Variants in LARGE1 observed in about 807,000 individuals in gnomAD.
The protein encoded by LARGE1 is xylosyl- and glucuronyltransferase LARGE1.
Under a neutral mutation model 87.6 loss-of-function variants are expected in LARGE1, and 43 were observed. The observed-to-expected ratio is 0.49, with a 90% CI of 0.38 to 0.63. The LOEUF (loss-of-function observed/expected upper bound fraction) is 0.63. Among genes scored for constraint, LARGE1 ranks in the 30% least tolerant of loss-of-function variants. LARGE1 has a pLI of 0.00. For missense variants in LARGE1, 802 were observed against 1,000.2 expected, an observed-to-expected ratio of 0.80 and a Z score of 2.67; for synonymous variants, 434 against 394.6, an observed-to-expected ratio of 1.10 and a Z score of -1.18.
At chr22:33,102,723 T>G in the LARGE1 span, among the ~76,000 whole-genome samples, 6 of 151,154 alleles carry the variant, frequency 4.0e-5, no homozygotes, top group African/African-American at 1.5e-4. Context: ...ACTCCTGACC[T>G]CAGGTGACCC....
chr22:33,165,686 C>T (rs530305532), exon 12 of LARGE1: 2 of 152,312 alleles, frequency 1.3e-5, no homozygotes, highest in South Asian at 2.1e-4. Context: ...ATCACTCTAA[C>T]ATCCCTTTTA....
chr22:33,837,332 C>T (rs1217278305), intron 1 of LARGE1, among the ~76,000 whole-genome samples: 3 of 151,628 alleles, frequency 2.0e-5, no homozygotes, highest in Non-Finnish European at 4.4e-5. Flanking sequence ...GATATATACA[C>T]ACACACATAT....
chr22:33,375,980 A>C (rs2064979564), intron 9 of LARGE1, among the ~76,000 whole-genome samples: 1 of 152,250 alleles, frequency 6.6e-6, no homozygotes, highest in Non-Finnish European at 1.5e-5. Context: ...TATTTGATAA[A>C]AACTAAATTT....
rs529148977 is a variant in LARGE1 at position 33,353,657 on chromosome 22, C to T, written c.1132-15856G>A. Among the ~76,000 whole-genome samples, 9 of 152,262 alleles carry T rather than the reference C, an allele frequency of 5.9e-5. No individual in the cohort carries two copies. The South Asian group carries it at 1.9e-3, about 32-fold the overall frequency. Reference sequence around the variant, plus strand: ...AGAGAATGAAAGACAGAAAGAATGACTTTTTTTGTGAGCACTAAAGGAAAG... The same window carrying T: ...AGAGAATGAAAGACAGAAAGAATGATTTTTTTTGTGAGCACTAAAGGAAAG... On this transcript the variant is annotated intron_variant, in intron 9 of 14. Transcript: ENST00000397394.
At chr22:33,770,856 C>T (rs1330904481) in intron 1 of LARGE1, among the ~76,000 whole-genome samples, 2 of 152,150 alleles carry the variant, frequency 1.3e-5, no homozygotes, top group Admixed American at 1.3e-4. Context: ...TTACTCCTCC[C>T]ATTCTTGATA....
chr22:33,432,215 T>C lies in LARGE1; in HGVS notation c.838A>G (p.Asn280Asp). 6.2e-7 allele frequency: 1 copy of C among 1,614,168 alleles called. No homozygotes were observed. The highest frequency in any genetic ancestry group is 8.5e-7 in the Non-Finnish European group (1 of 1,180,030). ...CATGGGCGGTGATTTTTCCACAGGT[T>C]TCCAAGGTACCAGTCACTCTGGTTC... is the stretch of plus-strand genomic sequence containing the variant. ...VENQSDWYLG[N>D]LWKNHRPWPA... Residue 280 changes from asparagine (N) to aspartate (D), a missense_variant, in exon 7 of 15, where the codon AAC (asparagine) becomes GAC (aspartate). By Grantham distance (23) the Asn-to-Asp change is conservative. Coordinates refer to ENST00000397394, the MANE Select transcript of LARGE1 (RefSeq NM_133642.5).
intron 6 of LARGE1, among the ~76,000 whole-genome samples, chr22:33,435,740 G>C (rs1486440140): frequency 6.6e-6 from 1 of 152,136 alleles, no homozygotes; most frequent in Non-Finnish European, 1.5e-5. Flanking sequence ...TTATCCCAAA[G>C]AATAATATCC....
At chr22:33,459,059 G>C (rs2068257058) in intron 6 of LARGE1, among the ~76,000 whole-genome samples, 1 of 151,776 alleles carries the variant, frequency 6.6e-6, no homozygotes, top group African/African-American at 2.4e-5. Flanking sequence ...AGAACATGCA[G>C]GTTTGTATAT....
chr22:33,212,217 G>T (rs540597645), intron 11 of LARGE1, among the ~76,000 whole-genome samples: 4 of 151,932 alleles, frequency 2.6e-5, no homozygotes, highest in African/African-American at 4.8e-5. Flanking sequence ...TGGCTTCAAA[G>T]CTTCAAAGGA....
chr22:33,553,366 AAT>A (rs1279530673), intron 6 of LARGE1, among the ~76,000 whole-genome samples: 2 of 151,952 alleles, frequency 1.3e-5, no homozygotes, highest in South Asian at 4.2e-4. Context: ...AAAAAAAAAA[AAT>A]AGCCAGACGT....
intron 7 of LARGE1, among the ~76,000 whole-genome samples, chr22:33,428,943 CAAAA>C (rs375368162): frequency 1.3e-5 from 1 of 76,992 alleles, no homozygotes. Context: ...AAAAAAGAAA[CAAAA>C]AAAAAAAAAA....
chr22:33,098,822 T>C, the LARGE1 span, among the ~76,000 whole-genome samples: 3 of 152,136 alleles, frequency 2.0e-5, no homozygotes, highest in African/African-American at 2.4e-5. Context: ...GGAAGTTTCA[T>C]GGCCGTGAAG....
chr22:33,150,533 C>T, the LARGE1 span, among the ~76,000 whole-genome samples: 938 of 152,262 alleles, frequency 6.2e-3, 50 homozygotes, highest in South Asian at 0.13. Flanking sequence ...GTTAAAATTA[C>T]GTATTCCCAA....
intron 1 of LARGE1, among the ~76,000 whole-genome samples, chr22:33,875,147 C>T (rs2064424397): frequency 6.6e-6 from 1 of 152,196 alleles, no homozygotes; most frequent in African/African-American, 2.4e-5. Flanking sequence ...ACCATTGCCT[C>T]CAGAGGGGCA....
chr22:33,553,860 G>C (rs2077599956), intron 6 of LARGE1, among the ~76,000 whole-genome samples: 1 of 152,074 alleles, frequency 6.6e-6, no homozygotes, highest in Non-Finnish European at 1.5e-5. Context: ...CCTTGGTGAG[G>C]AGCCTAAAAG....
intron 7 of LARGE1, among the ~76,000 whole-genome samples, chr22:33,403,298 T>C (rs143251976): frequency 2.0e-5 from 3 of 152,290 alleles, no homozygotes; most frequent in Non-Finnish European, 4.4e-5. Flanking sequence ...GATGAGACCA[T>C]AACTTATTTC....
intron 7 of LARGE1, 121 bp from the exon 8 acceptor site, chr22:33,384,425 C>T (rs1238887750): frequency 2.7e-6 from 2 of 754,500 alleles, no homozygotes; most frequent in Non-Finnish European, 4.6e-6. Context: ...AGACAAGAGG[C>T]CTATGCACTG....
At chr22:33,128,301 G>A in the LARGE1 span, among the ~76,000 whole-genome samples, 2 of 152,096 alleles carry the variant, frequency 1.3e-5, no homozygotes, top group African/African-American at 4.8e-5. Context: ...TACATGCGTG[G>A]GTATGTTCCT....
At chr22:33,758,135 G>A (rs140585957) in intron 2 of LARGE1, among the ~76,000 whole-genome samples, 4 of 152,218 alleles carry the variant, frequency 2.6e-5, no homozygotes, top group South Asian at 2.1e-4. Flanking sequence ...TCCTTGCCAC[G>A]TCCCTCCATA....
Sources: gnomAD v4.1 joint callset for allele counts (sites outside exome capture counted in the v4.1 genomes callset) on GRCh38, gnomAD v4.1.1 for gene constraint, MANE v1.5 for transcripts, NCBI Gene and HGNC (gene_info 2026-07-23, HGNC 2026-07-21) for gene names.